Variants in ABAT observed in about 807,000 individuals in gnomAD.
The protein encoded by ABAT is 4-aminobutyrate aminotransferase.
In ABAT, 45 loss-of-function variants were observed where a neutral mutation model predicts 64.6. That is an observed-to-expected ratio of 0.70 (90% CI 0.55 to 0.89). The LOEUF (loss-of-function observed/expected upper bound fraction) is 0.89. Ranked by LOEUF, ABAT falls within the 40% of genes least tolerant of loss-of-function variation. The pLI, the probability that ABAT is intolerant of heterozygous loss-of-function variation, is 0.00. For synonymous variants in ABAT, 297 were observed against 250.5 expected (o/e 1.19, Z -1.75); for missense variants, 633 against 658.4 (o/e 0.96, Z 0.42).
intron 2 of ABAT, among the ~76,000 whole-genome samples, chr16:8,739,642 C>A (rs1185507726): frequency 1.3e-5 from 2 of 152,016 alleles, no homozygotes; most frequent in Admixed American, 6.6e-5. Context: ...GGGTTAGAAC[C>A]CAGGAGGCGG....
chr16:8,746,280 G>A (rs536243714), intron 3 of ABAT, among the ~76,000 whole-genome samples, 182 bp downstream of exon 3: 5 of 152,080 alleles, frequency 3.3e-5, no homozygotes, highest in Admixed American at 6.5e-5. Flanking sequence ...AGGGCTGGGC[G>A]CGGTGGCTGA....
At chr16:8,763,307 C>T (rs2059851037) in intron 6 of ABAT, among the ~76,000 whole-genome samples, 1 of 152,060 alleles carries the variant, frequency 6.6e-6, no homozygotes, top group Non-Finnish European at 1.5e-5. Flanking sequence ...GTCCTCAGTT[C>T]CCCCAACTCT....
chr16:8,727,472 C>G (rs769479506), intron 1 of ABAT, among the ~76,000 whole-genome samples: 4 of 152,188 alleles, frequency 2.6e-5, no homozygotes, highest in Non-Finnish European at 5.9e-5. Context: ...GCAGCTCAGG[C>G]AACACCTCCC....
At chr16:8,766,786 T>C (rs903501743) in intron 9 of ABAT, among the ~76,000 whole-genome samples, 2 of 152,134 alleles carry the variant, frequency 1.3e-5, no homozygotes, top group African/African-American at 4.8e-5. Context: ...CTGGCCAATA[T>C]GGCGAAACCC....
chr16:8,677,233 A>C (rs1409320116), intron 1 of ABAT, among the ~76,000 whole-genome samples: 2 of 152,242 alleles, frequency 1.3e-5, no homozygotes, highest in Non-Finnish European at 2.9e-5. Context: ...ACAAGTGCAA[A>C]GTCATAAAAC....
chr16:8,700,911 C>CTTTTTTTTTTTTTTTTTTTTTTTTTTTTT (rs1174749864), intron 1 of ABAT, among the ~76,000 whole-genome samples: 1 of 131,566 alleles, frequency 7.6e-6, no homozygotes, highest in Non-Finnish European at 1.6e-5. Flanking sequence ...GGCCTTAATT[C>CTTTTTTTTTTTTTTTTTTTTTTTTTTTTT]TTTTTTTTTT....
intron 1 of ABAT, among the ~76,000 whole-genome samples, chr16:8,700,915 T>C (rs1360284493): frequency 1.3e-5 from 2 of 151,442 alleles, no homozygotes; most frequent in Admixed American, 6.6e-5. Context: ...TTAATTCTTT[T>C]TTTTTTTTTT....
At chr16:8,678,689 A>G (rs2057260802) in intron 1 of ABAT, among the ~76,000 whole-genome samples, 1 of 152,230 alleles carries the variant, frequency 6.6e-6, no homozygotes, top group Admixed American at 6.5e-5. Context: ...CTGACATAAC[A>G]TAAAAATGTC....
intron 1 of ABAT, among the ~76,000 whole-genome samples, chr16:8,728,355 T>G (rs2058619137): frequency 6.6e-6 from 1 of 152,230 alleles, no homozygotes; most frequent in African/African-American, 2.4e-5. Flanking sequence ...GGCTCTCACT[T>G]TTGCAGAATA....
intron 1 of ABAT, among the ~76,000 whole-genome samples, chr16:8,731,231 G>A (rs190964586): frequency 4.0e-4 from 61 of 152,230 alleles, no homozygotes; most frequent in Admixed American, 9.8e-4. Context: ...CCAAAATTCC[G>A]GGATTACAGG....
At chr16:8,675,251 T>G (rs2057170477) in intron 1 of ABAT, among the ~76,000 whole-genome samples, 1 of 151,938 alleles carries the variant, frequency 6.6e-6, no homozygotes, top group Non-Finnish European at 1.5e-5. Flanking sequence ...TCTGGAGAGA[T>G]AGATGATTCA....
At chr16:8,766,949 G>A (rs1470188723) in intron 9 of ABAT, among the ~76,000 whole-genome samples, 1 of 152,130 alleles carries the variant, frequency 6.6e-6, no homozygotes, top group African/African-American at 2.4e-5. Context: ...CCAGCCTGGC[G>A]ACAGAGCAAG....
intron 1 of ABAT, among the ~76,000 whole-genome samples, chr16:8,691,775 T>G (rs1327444803): frequency 6.6e-6 from 1 of 152,198 alleles, no homozygotes. Flanking sequence ...GAGATGCTTT[T>G]GGTTGTTACA....
At chr16:8,730,256 C>T (rs1770524076) in intron 1 of ABAT, among the ~76,000 whole-genome samples, 1 of 152,192 alleles carries the variant, frequency 6.6e-6, no homozygotes, top group Non-Finnish European at 1.5e-5. Flanking sequence ...AAGGGTCTGG[C>T]ACACGGTAGG....
intron 1 of ABAT, among the ~76,000 whole-genome samples, chr16:8,694,859 G>A (rs775263233): frequency 1.3e-5 from 2 of 152,188 alleles, no homozygotes; most frequent in African/African-American, 2.4e-5. Context: ...AAGGAAGCAC[G>A]GGAGAAGGAA....
intron 12 of ABAT, among the ~76,000 whole-genome samples, chr16:8,773,723 C>A (rs2060188843): frequency 6.6e-6 from 1 of 152,302 alleles, no homozygotes; most frequent in East Asian, 1.9e-4. Context: ...ATTAGCCTTG[C>A]CAGCCTCTGA....
chr16:8,701,969 G>A (rs973298551), intron 1 of ABAT, among the ~76,000 whole-genome samples: 3 of 151,728 alleles, frequency 2.0e-5, no homozygotes, highest in African/African-American at 7.3e-5. Context: ...AGGTGTAGGT[G>A]TAGGGGGGTC....
At chr16:8,733,814 A>AGAGAGG (rs555669162) in intron 1 of ABAT, among the ~76,000 whole-genome samples, 29 of 147,526 alleles carry the variant, frequency 2.0e-4, no homozygotes, top group Admixed American at 1.2e-3. Context: ...GACCGTGGAA[A>AGAGAGG]GAGAGGGAGA....
intron 1 of ABAT, among the ~76,000 whole-genome samples, chr16:8,684,207 CTG>C (rs1261346192): frequency 1.3e-5 from 2 of 152,146 alleles, no homozygotes; most frequent in Non-Finnish European, 2.9e-5. Context: ...GAAAGAGACT[CTG>C]TGCAGGGAGA....
Sources: gnomAD v4.1 joint callset for allele counts (sites outside exome capture counted in the v4.1 genomes callset) on GRCh38, gnomAD v4.1.1 for gene constraint, MANE v1.5 for transcripts, NCBI Gene and HGNC (gene_info 2026-07-23, HGNC 2026-07-21) for gene names.